The following RNF180 variants were observed in gnomAD, a reference collection of about 807,000 sequenced individuals.
The protein encoded by RNF180 is ring finger protein 180.
Under a neutral mutation model 59.2 loss-of-function variants are expected in RNF180, and 38 were observed. The ratio of observed to expected loss-of-function variants is 0.64; its 90% CI spans 0.50 to 0.84. The LOEUF (loss-of-function observed/expected upper bound fraction) is 0.84. RNF180 is among the 40% of genes least tolerant of loss of function. RNF180 has a pLI of 0.00. For synonymous variants in RNF180, 262 were observed against 240.3 expected, an observed-to-expected ratio of 1.09 and a Z score of -0.84; for missense variants, 705 against 700.9, an observed-to-expected ratio of 1.01 and a Z score of -0.07.
intron 5 of RNF180, among the ~76,000 whole-genome samples, chr5:64,274,545 C>T (rs1256438844): frequency 2.0e-5 from 3 of 151,826 alleles, no homozygotes; most frequent in Non-Finnish European, 2.9e-5. Context: ...TCTGTGGGGC[C>T]AGTTTTGTGT....
chr5:64,199,741 T>C (rs550898430), intron 1 of RNF180, among the ~76,000 whole-genome samples: 18 of 152,342 alleles, frequency 1.2e-4, no homozygotes, highest in South Asian at 4.1e-4. Context: ...TAATGTTGCC[T>C]TTCTTTGTAA....
At chr5:64,243,404 G>A (rs929245388) in intron 5 of RNF180, among the ~76,000 whole-genome samples, 2 of 152,144 alleles carry the variant, frequency 1.3e-5, no homozygotes, top group African/African-American at 4.8e-5. Flanking sequence ...TCAGGGGAGG[G>A]GTGTCTGCCA....
intron 1 of RNF180, among the ~76,000 whole-genome samples, chr5:64,200,378 C>G (rs1289983419): frequency 2.0e-5 from 3 of 152,138 alleles, no homozygotes; most frequent in Admixed American, 6.5e-5. Context: ...TTGCTTGAGC[C>G]CAGGAGTTCG....
At chr5:64,288,761 T>C (rs1236245108) in intron 5 of RNF180, among the ~76,000 whole-genome samples, 1 of 152,218 alleles carries the variant, frequency 6.6e-6, no homozygotes, top group Non-Finnish European at 1.5e-5. Context: ...GAGACTTAGC[T>C]GAAGTTGTTT....
intron 7 of RNF180, among the ~76,000 whole-genome samples, chr5:64,330,797 A>G (rs1226364857): frequency 6.6e-6 from 1 of 152,176 alleles, no homozygotes; most frequent in Non-Finnish European, 1.5e-5. Flanking sequence ...TGCACATTCC[A>G]CAGAGCTGGC....
chr5:64,208,846 T>C (rs1217488808), intron 2 of RNF180, among the ~76,000 whole-genome samples: 2 of 152,098 alleles, frequency 1.3e-5, no homozygotes, highest in East Asian at 3.9e-4. Flanking sequence ...ATATATGCTG[T>C]TTTATATTAT....
chr5:64,310,759 G>A (rs1743724344), intron 5 of RNF180, among the ~76,000 whole-genome samples: 1 of 151,822 alleles, frequency 6.6e-6, no homozygotes, highest in African/African-American at 2.4e-5. Flanking sequence ...CCACTCATCT[G>A]CCTCAATCTG....
At chr5:64,257,116 GT>G (rs931580470) in intron 5 of RNF180, among the ~76,000 whole-genome samples, 2 of 152,120 alleles carry the variant, frequency 1.3e-5, no homozygotes, top group African/African-American at 4.8e-5. Flanking sequence ...AGATGATGGG[GT>G]TTTTTAGATA....
chr5:64,360,797 A>G (rs1476486182), intron 7 of RNF180, among the ~76,000 whole-genome samples: 1 of 151,718 alleles, frequency 6.6e-6, no homozygotes, highest in African/African-American at 2.4e-5. Context: ...TGTTACTCAC[A>G]GCGGTAGCCA....
intron 7 of RNF180, among the ~76,000 whole-genome samples, chr5:64,366,860 C>T (rs1425139994): frequency 1.3e-5 from 2 of 151,542 alleles, no homozygotes; most frequent in African/African-American, 2.4e-5. Flanking sequence ...AATTTATTTA[C>T]ATATCAAGAT....
intron 1 of RNF180, among the ~76,000 whole-genome samples, chr5:64,167,568 C>T (rs1749714016): frequency 6.6e-6 from 1 of 152,106 alleles, no homozygotes. Context: ...CGACACCAGC[C>T]TCTTTAATAA....
chr5:64,246,436 G>A (rs1015048094), intron 5 of RNF180, among the ~76,000 whole-genome samples: 1 of 152,006 alleles, frequency 6.6e-6, no homozygotes, highest in African/African-American at 2.4e-5. Flanking sequence ...GATATCACTA[G>A]TGATCCCACA....
intron 7 of RNF180, among the ~76,000 whole-genome samples, chr5:64,351,084 T>C (rs1745787742): frequency 6.6e-6 from 1 of 151,498 alleles, no homozygotes; most frequent in African/African-American, 2.4e-5. Context: ...TTTTATTTCA[T>C]TGAGCAGTGG....
chr5:64,190,832 A>G (rs543725924), intron 1 of RNF180, among the ~76,000 whole-genome samples: 1 of 152,276 alleles, frequency 6.6e-6, no homozygotes, highest in African/African-American at 2.4e-5. Context: ...AAACAACCCT[A>G]CCAACATCTT....
In RNF180 at chr5:64,214,090, A is replaced by G. The variant is rs1033605422; in HGVS notation, c.764A>G (p.Tyr255Cys). 1.9e-6 allele frequency: 3 copies of G among 1,614,034 alleles called. No individual in the cohort carries two copies. The highest frequency in any genetic ancestry group is 1.7e-5 in the Admixed American group (1 of 60,000). The stretch of plus-strand genomic sequence containing the variant: ...GAAATACATAGTAAGACTACTGCCT[A>G]TTCCAGACTAAATGAAACACAGCCT... ...LYEIHSKTTA[Y>C]SRLNETQPID... The change falls in exon 4 of 8, where the codon TAT becomes TGT. Residue 255 changes from tyrosine (Y) to cysteine (C), a missense_variant. Transcript: ENST00000389100.
intron 7 of RNF180, among the ~76,000 whole-genome samples, chr5:64,340,754 T>C (rs569892565): frequency 6.6e-6 from 1 of 152,328 alleles, no homozygotes; most frequent in African/African-American, 2.4e-5. Context: ...TCTATTTTTG[T>C]TACACAGTTT....
Position 64,260,031 on chromosome 5 carries a change from A to G in RNF180, c.1227+42635A>G, listed in dbSNP as rs951127669. 2.0e-5 allele frequency among the ~76,000 whole-genome samples: 3 copies of G among 152,340 alleles called. No individual in the cohort carries two copies. The East Asian group carries it at 5.8e-4, about 29-fold the overall frequency. ...AAAAAGCAATTATTATTATTTTAGG[A>G]TGTCCTCATTTCTTATTGACTTTAT... On this transcript the variant is annotated intron_variant, in intron 5 of 7. Coordinates refer to ENST00000389100, the MANE Select transcript of RNF180 (RefSeq NM_001113561.2).
At chr5:64,203,047 T>C (rs2112068021) in intron 2 of RNF180, among the ~76,000 whole-genome samples, 1 of 152,346 alleles carries the variant, frequency 6.6e-6, no homozygotes, top group Admixed American at 6.5e-5. Context: ...TTTATTTACC[T>C]GGAGAACTCC....
chr5:64,288,926 T>C (rs986080007), intron 5 of RNF180, among the ~76,000 whole-genome samples: 2 of 152,202 alleles, frequency 1.3e-5, no homozygotes, highest in Non-Finnish European at 2.9e-5. Flanking sequence ...TCTAATACTA[T>C]GTTGAATAGG....
Sources: gnomAD v4.1 joint callset for allele counts (sites outside exome capture counted in the v4.1 genomes callset) on GRCh38, gnomAD v4.1.1 for gene constraint, MANE v1.5 for transcripts, NCBI Gene and HGNC (gene_info 2026-07-23, HGNC 2026-07-21) for gene names.